B4GALT1: variants seen among roughly 807,000 people sequenced by gnomAD.
B4GALT1 encodes the protein beta-1,4-galactosyltransferase 1, also known as N-acetyllactosamine synthase.
A neutral mutation model predicts 34.9 loss-of-function variants in B4GALT1; 16 were observed. The ratio of observed to expected loss-of-function variants is 0.46; its 90% CI spans 0.31 to 0.70. The LOEUF is 0.70. Ranked by LOEUF, B4GALT1 falls within the 30% of genes least tolerant of loss-of-function variation. B4GALT1 has a pLI of 0.05. For synonymous variants in B4GALT1, 221 were observed against 218.1 expected (o/e 1.01, Z -0.12); for missense variants, 445 against 530.5 (o/e 0.84, Z 1.58).
rs566778973 is a variant in B4GALT1, at chr9:33,122,721, A to T, written c.649-2115T>A. Among the ~76,000 whole-genome samples, 38 of 152,232 alleles carry T rather than the reference A, an allele frequency of 2.5e-4. No individual in the cohort carries two copies. In the South Asian group the frequency reaches 7.9e-3, roughly 32 times the overall value. Reference sequence around the variant, plus strand: ...GAGCTCCTTTTTTAAAGCCTCTGACAAAGTTTTCTAACCCCGCGTGGTGAG... The same window carrying T: ...GAGCTCCTTTTTTAAAGCCTCTGACTAAGTTTTCTAACCCCGCGTGGTGAG... On this transcript the variant is annotated intron_variant, in intron 2 of 5. Transcript: ENST00000379731.
upstream of B4GALT1, among the ~76,000 whole-genome samples, chr9:33,170,517 T>A (rs1240231498): frequency 6.6e-6 from 1 of 152,114 alleles, no homozygotes; most frequent in Non-Finnish European, 1.5e-5. Context: ...GTGTCTTCCA[T>A]TGGTATAGAT....
intron 2 of B4GALT1, among the ~76,000 whole-genome samples, chr9:33,125,938 G>A (rs1840085965): frequency 1.3e-5 from 2 of 152,258 alleles, no homozygotes; most frequent in Middle Eastern, 3.4e-3. Context: ...AGCCTCTCCT[G>A]CACCAAAAGA....
At chr9:33,108,864 A>G (rs1306255289), downstream of B4GALT1, 4 of 152,000 alleles carry the variant, frequency 2.6e-5, no homozygotes, top group African/African-American at 9.7e-5. Flanking sequence ...TAAAACTCTT[A>G]TAATTTCCTG....
intron 1 of B4GALT1, among the ~76,000 whole-genome samples, chr9:33,148,943 CAG>C (rs1840468822): frequency 6.6e-6 from 1 of 152,000 alleles, no homozygotes; most frequent in Non-Finnish European, 1.5e-5. Context: ...GTCTGAACAT[CAG>C]AATACATAAT....
chr9:33,140,453 C>T, intron 1 of B4GALT1, among the ~76,000 whole-genome samples: 1 of 151,670 alleles, frequency 6.6e-6, no homozygotes, highest in East Asian at 1.9e-4. Flanking sequence ...CTTATGAAAT[C>T]ATCATAGATT....
At chr9:33,140,978 G>T (rs7865745) in intron 1 of B4GALT1, among the ~76,000 whole-genome samples, 1 of 152,022 alleles carries the variant, frequency 6.6e-6, no homozygotes, top group Non-Finnish European at 1.5e-5. Context: ...AAGGGCTTCA[G>T]TCTAACAAAT....
At chr9:33,118,531 G>T (rs151178827) in intron 3 of B4GALT1, among the ~76,000 whole-genome samples, 1 of 151,698 alleles carries the variant, frequency 6.6e-6, no homozygotes, top group African/African-American at 2.4e-5. Context: ...TCAGCCAGGG[G>T]TGCTGGCCCA....
chr9:33,107,248 C>G (rs938311237), downstream of B4GALT1, among the ~76,000 whole-genome samples: 6 of 152,224 alleles, frequency 3.9e-5, no homozygotes, highest in Non-Finnish European at 8.8e-5. Context: ...CTCAGCCAGA[C>G]AAACCTCATT....
intron 3 of B4GALT1, among the ~76,000 whole-genome samples, chr9:33,119,801 T>C (rs1260129867): frequency 6.6e-6 from 1 of 152,184 alleles, no homozygotes; most frequent in Non-Finnish European, 1.5e-5. Context: ...CCAATTTACT[T>C]TCCAAAACTT....
chr9:33,155,417 A>G (rs755297122), intron 1 of B4GALT1, among the ~76,000 whole-genome samples: 3 of 152,226 alleles, frequency 2.0e-5, no homozygotes, highest in Non-Finnish European at 2.9e-5. Context: ...CTAAGACTCA[A>G]TCAAACATCT....
At chr9:33,137,732 T>C (rs1395889925) in intron 1 of B4GALT1, among the ~76,000 whole-genome samples, 1 of 152,112 alleles carries the variant, frequency 6.6e-6, no homozygotes, top group Non-Finnish European at 1.5e-5. Flanking sequence ...AGCTGGGTAG[T>C]AGGGCTCCGA....
chr9:33,110,249 T>C (rs1839838172), downstream of B4GALT1, among the ~76,000 whole-genome samples: 3 of 152,210 alleles, frequency 2.0e-5, no homozygotes, highest in South Asian at 6.2e-4. Flanking sequence ...TTTTGGATAA[T>C]TCCCTTCAAG....
intron 1 of B4GALT1, among the ~76,000 whole-genome samples, chr9:33,157,237 T>G (rs1356644835): frequency 2.0e-5 from 3 of 151,994 alleles, no homozygotes; most frequent in African/African-American, 7.3e-5. Context: ...AGCCAGGATT[T>G]TCCAATTTAG....
At chr9:33,158,979 T>C (rs1225779518) in intron 1 of B4GALT1, among the ~76,000 whole-genome samples, 4 of 152,212 alleles carry the variant, frequency 2.6e-5, no homozygotes, top group Admixed American at 2.6e-4. Context: ...TTCTACCTAT[T>C]CTTGGGCAGG....
intron 3 of B4GALT1, among the ~76,000 whole-genome samples, chr9:33,118,643 C>A (rs1839976396): frequency 6.6e-6 from 1 of 151,488 alleles, no homozygotes; most frequent in African/African-American, 2.4e-5. Flanking sequence ...GCACTCCAGG[C>A]TGGGTGACAA....
At chr9:33,172,502 C>T in the B4GALT1 span, among the ~76,000 whole-genome samples, 1 of 152,144 alleles carries the variant, frequency 6.6e-6, no homozygotes, top group East Asian at 1.9e-4. Flanking sequence ...TTATCTCAAG[C>T]AGAGGGAGTT....
At chr9:33,164,619 A>G (rs1327454212) in intron 1 of B4GALT1, among the ~76,000 whole-genome samples, 1 of 152,230 alleles carries the variant, frequency 6.6e-6, no homozygotes, top group African/African-American at 2.4e-5. Context: ...ACTGGTGACA[A>G]GCCGATCACT....
intron 1 of B4GALT1, 48 bp downstream of exon 1, chr9:33,166,710 A>T (rs1212918051): frequency 6.8e-7 from 1 of 1,473,110 alleles, no homozygotes; most frequent in Admixed American, 2.5e-5. Flanking sequence ...TGTCGGGGAA[A>T]TCCGGGGGGG....
Position 33,152,922 on chromosome 9 carries a change from G to A in B4GALT1, c.412+13836C>T, listed in dbSNP as rs563790354. On this transcript the variant is annotated intron_variant, in intron 1 of 5. Transcript: ENST00000379731. ...ATAAGAAATACAAATGGGCAAGCCA[G>A]CCATGGTGGCTCACGCCTATAGTCC... Among the ~76,000 whole-genome samples the A allele has an allele frequency of 1.2e-4, 18 of 152,222 alleles. No homozygotes were observed. In the South Asian group the frequency reaches 3.7e-3, roughly 32 times the overall value.
Sources: gnomAD v4.1 joint callset for allele counts (sites outside exome capture counted in the v4.1 genomes callset) on GRCh38, gnomAD v4.1.1 for gene constraint, MANE v1.5 for transcripts, NCBI Gene and HGNC (gene_info 2026-07-23, HGNC 2026-07-21) for gene names.